PEAK1: variants seen among roughly 807,000 people sequenced by gnomAD.
PEAK1 encodes the protein pseudopodium enriched atypical kinase 1, also known as inactive tyrosine-protein kinase PEAK1.
A neutral mutation model predicts 124.7 loss-of-function variants in PEAK1; 54 were observed. The observed-to-expected ratio is 0.43, with a 90% CI of 0.35 to 0.54. The LOEUF (loss-of-function observed/expected upper bound fraction) is 0.54, where lower values mean the gene tolerates loss of function less well. PEAK1 is among the 20% of genes least tolerant of loss of function. The pLI is 0.01. For synonymous variants in PEAK1, 719 were observed against 760.0 expected (o/e 0.95, Z 0.89); for missense variants, 2,046 against 2,134.5 (o/e 0.96, Z 0.82).
chr15:77,325,496 T>C (rs1033281330), intron 2 of PEAK1, among the ~76,000 whole-genome samples: 2 of 151,894 alleles, frequency 1.3e-5, no homozygotes, highest in Non-Finnish European at 2.9e-5. Flanking sequence ...CCATGGCAAA[T>C]AGGTGGAACT....
intron 1 of PEAK1, among the ~76,000 whole-genome samples, chr15:77,374,969 T>C (rs1298293596): frequency 2.6e-5 from 4 of 152,082 alleles, no homozygotes; most frequent in African/African-American, 9.7e-5. Flanking sequence ...TGTATTAAAG[T>C]AAAAACTTAG....
intron 2 of PEAK1, among the ~76,000 whole-genome samples, chr15:77,301,908 C>T (rs895926313): frequency 3.9e-5 from 6 of 152,148 alleles, no homozygotes; most frequent in Admixed American, 2.0e-4. Flanking sequence ...AGTAAAGATT[C>T]GTAGATATTT....
rs773439817 is a variant in PEAK1, at chr15:77,179,207, G to C, written c.2720C>G (p.Ser907Ter). The part of the protein sequence containing the change: ...TSPTRSTEAE[S>*]VLHSEGSRRA... ...CCTGCTGCCTTCAGAGTGCAAAACT[G>C]ATTCAGCTTCTGTTGACCTGGTAGG... Residue 907 changes from serine to a stop codon, truncating the protein, a stop_gained, in exon 7 of 10, where the codon TCA becomes TGA. Coordinates refer to ENST00000682557, the MANE Select transcript of PEAK1 (RefSeq NM_001385026.1). LOFTEE classifies it high-confidence loss of function. The C allele has an allele frequency of 6.2e-7, 1 of 1,614,184 alleles. No individual in the cohort carries two copies. The highest frequency in any genetic ancestry group is 8.5e-7 in the Non-Finnish European group (1 of 1,180,040).
chr15:77,156,907 G>A (rs1482869974), intron 8 of PEAK1: 2 of 152,156 alleles, frequency 1.3e-5, no homozygotes, highest in Admixed American at 1.3e-4. Context: ...GCTGTTTGAT[G>A]ATAAAATCTG....
intron 9 of PEAK1, among the ~76,000 whole-genome samples, chr15:77,125,070 T>C (rs74906694): frequency 4.3e-4 from 65 of 152,364 alleles, no homozygotes; most frequent in African/African-American, 1.5e-3. Context: ...GTTTCATTCA[T>C]ATGTATTTCT....
At chr15:77,265,175 C>T (rs1180106335) in intron 5 of PEAK1, among the ~76,000 whole-genome samples, 2 of 151,942 alleles carry the variant, frequency 1.3e-5, no homozygotes, top group African/African-American at 4.8e-5. Context: ...CAGGCATTAC[C>T]ATTCAGGACA....
At chr15:77,352,754 T>C in intron 2 of PEAK1, 1 of 967,264 alleles carries the variant, frequency 1.0e-6, no homozygotes, top group Non-Finnish European at 1.2e-6. Flanking sequence ...ATATTTTCCC[T>C]ATAAGACAGA....
At chr15:77,408,583 T>A (rs867976336) in intron 1 of PEAK1, among the ~76,000 whole-genome samples, 1 of 152,046 alleles carries the variant, frequency 6.6e-6, no homozygotes, top group Non-Finnish European at 1.5e-5. Flanking sequence ...AGAAACAGTT[T>A]TTCAAATGAA....
chr15:77,178,739 C>A (rs781616238), intron 7 of PEAK1, 51 bp downstream of exon 7: 1 of 1,544,872 alleles, frequency 6.5e-7, no homozygotes, highest in Non-Finnish European at 8.8e-7. Flanking sequence ...AAACTTAGCA[C>A]CTGAAAATGT....
chr15:77,266,116 G>A (rs567857553), intron 5 of PEAK1, among the ~76,000 whole-genome samples: 1 of 152,164 alleles, frequency 6.6e-6, no homozygotes, highest in Non-Finnish European at 1.5e-5. Flanking sequence ...GTGGGGAGAG[G>A]GGGGAGGGAT....
chr15:77,332,532 G>A (rs1243611840), intron 2 of PEAK1, among the ~76,000 whole-genome samples: 8 of 151,954 alleles, frequency 5.3e-5, no homozygotes, highest in African/African-American at 7.3e-5. Context: ...CCCGGGAGGC[G>A]GAGGTTGCAG....
chr15:77,302,330 G>A (rs1157665714), intron 2 of PEAK1, among the ~76,000 whole-genome samples: 2 of 152,122 alleles, frequency 1.3e-5, no homozygotes, highest in East Asian at 3.9e-4. Flanking sequence ...GCAACCATGT[G>A]TATCTATACA....
chr15:77,294,463 C>T (rs986089055), intron 2 of PEAK1, among the ~76,000 whole-genome samples: 3 of 152,110 alleles, frequency 2.0e-5, no homozygotes, highest in Non-Finnish European at 4.4e-5. Context: ...AACAAGTTAT[C>T]GAGAGGTCTG....
Position 77,138,358 on chromosome 15 carries a change from G to C in PEAK1, c.3332-4608C>G, listed in dbSNP as rs1014221328. Among the ~76,000 whole-genome samples the C allele has an allele frequency of 3.9e-5, 6 of 152,202 alleles. No homozygotes were observed. The South Asian group carries it at 1.2e-3, about 32-fold the overall frequency. ...AGTGGTGAGTGAATGTAAAGGCCTT[G>C]CATATTATTACCATACACTCCTGTA... On this transcript the variant is annotated intron_variant, in intron 8 of 9. Coordinates refer to ENST00000682557, the MANE Select transcript of PEAK1 (RefSeq NM_001385026.1).
At chr15:77,364,187 T>G (rs1043442943) in intron 2 of PEAK1, among the ~76,000 whole-genome samples, 10 of 152,062 alleles carry the variant, frequency 6.6e-5, no homozygotes, top group African/African-American at 2.4e-4. Flanking sequence ...CGAAAGAGAC[T>G]CCATCTCAAA....
At chr15:77,403,593 A>G (rs1353195663) in intron 1 of PEAK1, 1 of 952,090 alleles carries the variant, frequency 1.1e-6, no homozygotes, top group Non-Finnish European at 1.3e-6. Flanking sequence ...TCTAATATTT[A>G]TTGGATGTTC....
At chr15:77,329,046 C>A (rs528641817) in intron 2 of PEAK1, among the ~76,000 whole-genome samples, 2 of 152,264 alleles carry the variant, frequency 1.3e-5, no homozygotes, top group East Asian at 3.9e-4. Context: ...ATGATATATA[C>A]TTTCTCTATT....
chr15:77,230,294 T>C (rs1303634754), intron 6 of PEAK1, among the ~76,000 whole-genome samples: 1 of 151,592 alleles, frequency 6.6e-6, no homozygotes, highest in African/African-American at 2.4e-5. Context: ...CCACCACAGC[T>C]GTTCAAGTGA....
chr15:77,231,661 A>C (rs937664069), intron 6 of PEAK1, among the ~76,000 whole-genome samples: 2 of 152,200 alleles, frequency 1.3e-5, no homozygotes, highest in African/African-American at 4.8e-5. Flanking sequence ...TTTGAAAAAT[A>C]AATATAGATT....
Sources: gnomAD v4.1 joint callset for allele counts (sites outside exome capture counted in the v4.1 genomes callset) on GRCh38, gnomAD v4.1.1 for gene constraint, MANE v1.5 for transcripts, NCBI Gene and HGNC (gene_info 2026-07-23, HGNC 2026-07-21) for gene names.